The following BAZ2B variants were observed in gnomAD, a reference collection of about 807,000 sequenced individuals.
The protein encoded by BAZ2B is bromodomain adjacent to zinc finger domain protein 2B.
BAZ2B carries 91 observed loss-of-function variants against 246.0 expected under a neutral mutation model. The observed-to-expected ratio is 0.37, with a 90% CI of 0.31 to 0.44. The LOEUF is 0.44. BAZ2B is among the 20% of genes least tolerant of loss of function. The probability of loss-of-function intolerance (pLI) is 1.00; values close to 1 mark genes in which losing one functional copy is unlikely to be tolerated. For missense variants in BAZ2B, 2,332 were observed against 2,533.7 expected (o/e 0.92, Z 1.71); for synonymous variants, 855 against 860.0 (o/e 0.99, Z 0.10).
At chr2:159,550,617 G>C (rs944862171) in intron 2 of BAZ2B, among the ~76,000 whole-genome samples, 2 of 151,998 alleles carry the variant, frequency 1.3e-5, no homozygotes, top group Admixed American at 6.6e-5. Context: ...CAGTATTAGG[G>C]ACAACTATCA....
intron 34 of BAZ2B, among the ~76,000 whole-genome samples, chr2:159,331,343 C>T (rs2064732730): frequency 6.6e-6 from 1 of 152,094 alleles, no homozygotes; most frequent in Non-Finnish European, 1.5e-5. Flanking sequence ...TTATTGACAT[C>T]ATTAAAGGCC....
At position 159,606,381 on chromosome 2, in the gene BAZ2B, C is replaced by T. The variant is rs76788774; in HGVS notation, c.-46+9861G>A. 7.2e-5 allele frequency among the ~76,000 whole-genome samples: 11 copies of T among 152,208 alleles called. No individual in the cohort carries two copies. In the East Asian group the frequency reaches 1.7e-3, roughly 24 times the overall value. On this transcript the variant is annotated intron_variant, in intron 1 of 36. Coordinates refer to ENST00000392783, the MANE Select transcript of BAZ2B (RefSeq NM_013450.4). ...GCATGCTGCACTAACAACCCAGAAA[C>T]GAAGAAAAGGTCATTTTGTGACTTA... is the stretch of plus-strand genomic sequence containing the variant.
intron 31 of BAZ2B, among the ~76,000 whole-genome samples, chr2:159,343,918 C>G (rs935282754): frequency 6.7e-6 from 1 of 149,968 alleles, no homozygotes; most frequent in African/African-American, 2.5e-5. Flanking sequence ...CTCAGCTACT[C>G]GGGAGACTGA....
At chr2:159,486,344 C>T (rs2079828115) in intron 2 of BAZ2B, among the ~76,000 whole-genome samples, 1 of 151,800 alleles carries the variant, frequency 6.6e-6, no homozygotes, top group Non-Finnish European at 1.5e-5. Flanking sequence ...GAAACCAATG[C>T]ATGAGATGAA....
chr2:159,650,234 T>TA, the BAZ2B span, among the ~76,000 whole-genome samples: 2 of 151,814 alleles, frequency 1.3e-5, no homozygotes, highest in African/African-American at 4.8e-5. Context: ...TGCCTGCTAG[T>TA]TTTTTTTACT....
Position 159,438,607 on chromosome 2 carries a change from G to T in BAZ2B, c.989C>A (p.Pro330His), listed in dbSNP as rs1310707992. The T allele has an allele frequency of 6.2e-7, 1 of 1,614,120 alleles. No individual in the cohort carries two copies. The highest frequency in any genetic ancestry group is 8.5e-7 in the Non-Finnish European group (1 of 1,180,008). ...AQEKRIHQPL[P>H]LASESQTHSF... The stretch of plus-strand genomic sequence containing the variant: ...GTGAGTCTGGGATTCAGACGCAAGA[G>T]GTAATGGCTGGTGTATTCTTTTTTC... The change falls in exon 8 of 37, where the codon CCT (proline) becomes CAT (histidine). Residue 330 changes from proline (P) to histidine (H), a missense_variant. Around this residue, in one of 9 missense-constraint regions of BAZ2B, gnomAD observed 161 missense variants for 225.8 expected, o/e 0.71. Coordinates refer to ENST00000392783, the MANE Select transcript of BAZ2B (RefSeq NM_013450.4).
chr2:159,486,243 A>C (rs1379103861), intron 2 of BAZ2B, among the ~76,000 whole-genome samples: 1 of 152,046 alleles, frequency 6.6e-6, no homozygotes, highest in Middle Eastern at 3.2e-3. Context: ...AGGGGCTCCA[A>C]AGAACAAGCA....
At chr2:159,480,509 A>G (rs1234309670) in intron 2 of BAZ2B, among the ~76,000 whole-genome samples, 1 of 152,116 alleles carries the variant, frequency 6.6e-6, no homozygotes, top group South Asian at 2.1e-4. Context: ...TGCTTAATGG[A>G]TATTACTTTC....
At chr2:159,599,142 G>A (rs1398833514) in intron 1 of BAZ2B, among the ~76,000 whole-genome samples, 3 of 152,156 alleles carry the variant, frequency 2.0e-5, no homozygotes, top group South Asian at 4.1e-4. Context: ...AGCAACTGAC[G>A]TTTTACCTAG....
At chr2:159,574,547 T>C (rs1439795053) in intron 1 of BAZ2B, among the ~76,000 whole-genome samples, 5 of 152,074 alleles carry the variant, frequency 3.3e-5, no homozygotes, top group Admixed American at 1.3e-4. Context: ...TACAAACATA[T>C]GTCCATAAAA....
the BAZ2B span, among the ~76,000 whole-genome samples, chr2:159,654,275 T>C: frequency 6.6e-6 from 1 of 152,170 alleles, no homozygotes; most frequent in Non-Finnish European, 1.5e-5. Context: ...TTGTTATATC[T>C]ACAGAGTTTA....
chr2:159,331,799 G>C (rs963197434), intron 34 of BAZ2B, among the ~76,000 whole-genome samples: 8 of 152,172 alleles, frequency 5.3e-5, no homozygotes, highest in Non-Finnish European at 1.0e-4. Flanking sequence ...GGCAGGGGCA[G>C]GCAAAGGACC....
intron 14 of BAZ2B, among the ~76,000 whole-genome samples, chr2:159,407,793 T>C (rs981909884): frequency 2.0e-5 from 3 of 152,136 alleles, no homozygotes; most frequent in Non-Finnish European, 4.4e-5. Context: ...AATTTCTGGG[T>C]CACACAAAAA....
In BAZ2B at chr2:159,320,288, T is replaced by C; in HGVS notation, c.6484A>G (p.Thr2162Ala). Reference protein sequence around the residue: ...NMRKYFEKKWTDTFKVS With the variant: ...NMRKYFEKKWADTFKVS ...CTTCAGCTCACTTTGAAAGTATCTG[T>C]CCACTTTTTTTCAAAATACTTCCTC... is the stretch of plus-strand genomic sequence containing the variant. Residue 2162 changes from threonine (T) to alanine (A), a missense_variant, in exon 37 of 37, where the codon ACA becomes GCA. Physicochemically the swap from Thr to Ala is moderately conservative, Grantham distance 58. Around this residue, in one of 9 missense-constraint regions of BAZ2B, gnomAD observed 210 missense variants for 232.5 expected, o/e 0.90. Coordinates refer to ENST00000392783, the MANE Select transcript of BAZ2B (RefSeq NM_013450.4). 1 of 1,560,126 alleles carries C rather than the reference T, an allele frequency of 6.4e-7. No individual in the cohort carries two copies.
chr2:159,618,955 C>T (rs1696319847), upstream of BAZ2B, among the ~76,000 whole-genome samples: 2 of 151,860 alleles, frequency 1.3e-5, no homozygotes, highest in Admixed American at 1.3e-4. Flanking sequence ...ATTGGGATTG[C>T]AGATGCCACA....
intron 8 of BAZ2B, chr2:159,433,575 CAT>C: frequency 2.3e-6 from 1 of 439,656 alleles, no homozygotes; most frequent in South Asian, 4.9e-5. Flanking sequence ...AGTTTTTCCC[CAT>C]TAAAAATTAT....
the BAZ2B span, among the ~76,000 whole-genome samples, chr2:159,683,103 AC>A: frequency 6.6e-6 from 1 of 152,062 alleles, no homozygotes. Context: ...TATACTTTCG[AC>A]AAATGTATAG....
intron 1 of BAZ2B, among the ~76,000 whole-genome samples, chr2:159,596,090 G>A (rs1024260436): frequency 3.3e-5 from 5 of 152,084 alleles, no homozygotes; most frequent in East Asian, 1.9e-4. Flanking sequence ...ATCACAGCTC[G>A]GTATGTGCAT....
chr2:159,551,919 C>A (rs552414966), intron 2 of BAZ2B, among the ~76,000 whole-genome samples: 1 of 152,258 alleles, frequency 6.6e-6, no homozygotes, highest in African/African-American at 2.4e-5. Context: ...ATATTCCAGA[C>A]ATAATAATAT....
Sources: gnomAD v4.1 joint callset for allele counts (sites outside exome capture counted in the v4.1 genomes callset) on GRCh38, gnomAD v4.1.1 for gene constraint, gnomAD v4.1.1 regional missense constraint, MANE v1.5 for transcripts, NCBI Gene and HGNC (gene_info 2026-07-23, HGNC 2026-07-21) for gene names.